The following NOD1 variants were observed in gnomAD, a reference collection of about 807,000 sequenced individuals.
The protein encoded by NOD1 is nucleotide-binding oligomerization domain-containing protein 1.
A neutral mutation model predicts 81.2 loss-of-function variants in NOD1; 70 were observed. That is an observed-to-expected ratio of 0.86 (90% CI 0.71 to 1.05). NOD1 has a LOEUF of 1.05. Ranked by LOEUF, NOD1 falls within the 50% of genes least tolerant of loss-of-function variation. NOD1 has a pLI of 0.00. For synonymous variants in NOD1, 508 were observed against 526.9 expected (o/e 0.96, Z 0.49); for missense variants, 1,233 against 1,228.0 (o/e 1.00, Z -0.06).
At chr7:30,433,273 C>A in intron 11 of NOD1, 94 bp from the exon 12 acceptor site, 1 of 919,586 alleles carries the variant, frequency 1.1e-6, no homozygotes, top group African/African-American at 1.7e-5. Flanking sequence ...CCAAGGCTCT[C>A]CAGCTATGCA....
intron 7 of NOD1, chr7:30,447,323 T>C (rs1785212250): frequency 4.1e-6 from 2 of 483,416 alleles, no homozygotes; most frequent in African/African-American, 2.0e-5. Flanking sequence ...GATAGTCCCC[T>C]TGCAGGGTGG....
At chr7:30,432,971 T>C (rs1784070854) in intron 12 of NOD1, 125 bp downstream of exon 12, 13 of 691,506 alleles carry the variant, frequency 1.9e-5, no homozygotes, top group Non-Finnish European at 2.2e-5. Context: ...TAGGTGGTGA[T>C]GGTTGCACTA....
chr7:30,425,460 A>C lies in NOD1; in HGVS notation c.*178T>G, dbSNP rs1164770209. 3.2e-6 allele frequency: 2 copies of C among 620,504 alleles called. No homozygotes were observed. The highest frequency in any genetic ancestry group is 3.7e-5 in the African/African-American group (2 of 54,072). 38.4% of individuals were successfully genotyped at this position (620,504 alleles called of 1,614,324 possible). A position where few individuals can be genotyped will look rare whatever the true frequency, so the allele number is the denominator to read the frequency against. On this transcript the variant is annotated 3_prime_UTR_variant, in exon 14 of 14. Coordinates refer to ENST00000222823, the MANE Select transcript of NOD1 (RefSeq NM_006092.4). Reference sequence around the variant, plus strand: ...TTCTGCAGAATTGTAGCGGGTACTTAGGGAGTTTGCCGACCAGACCTTCTG... The same window carrying C: ...TTCTGCAGAATTGTAGCGGGTACTTCGGGAGTTTGCCGACCAGACCTTCTG...
At chr7:30,445,278 TAA>T (rs55875433) in intron 9 of NOD1, among the ~76,000 whole-genome samples, 2,287 of 69,178 alleles carry the variant, frequency 0.033, 62 homozygotes, top group African/African-American at 0.15. Context: ...AAAAAGAATC[TAA>T]AAAAAAAAAA....
At chr7:30,445,278 TAAAAA>T (rs55875433) in intron 9 of NOD1, among the ~76,000 whole-genome samples, 7 of 69,180 alleles carry the variant, frequency 1.0e-4, no homozygotes, top group African/African-American at 4.2e-4. Context: ...AAAAAGAATC[TAAAAA>T]AAAAAAAAAA....
At chr7:30,472,710 G>A (rs1301817893) in intron 1 of NOD1, among the ~76,000 whole-genome samples, 1 of 152,228 alleles carries the variant, frequency 6.6e-6, no homozygotes, top group East Asian at 1.9e-4. Context: ...AGAGACATGA[G>A]AAACCTCTTT....
intron 8 of NOD1, chr7:30,446,562 T>A: frequency 2.5e-6 from 1 of 405,568 alleles, no homozygotes; most frequent in Non-Finnish European, 4.5e-6. Flanking sequence ...GGTCAAGGTA[T>A]GTGGCCACTG....
chr7:30,431,305 G>C (rs1004433191), intron 12 of NOD1, among the ~76,000 whole-genome samples: 2 of 152,216 alleles, frequency 1.3e-5, no homozygotes, highest in Non-Finnish European at 2.9e-5. Flanking sequence ...AAATTGACAA[G>C]GTGAGTCTGA....
At chr7:30,472,115 T>C (rs1309110998) in intron 1 of NOD1, among the ~76,000 whole-genome samples, 1 of 152,248 alleles carries the variant, frequency 6.6e-6, no homozygotes. Flanking sequence ...CTTTTTCTTG[T>C]ATATTATGAA....
At chr7:30,471,582 A>G (rs568007728) in intron 1 of NOD1, among the ~76,000 whole-genome samples, 1 of 152,370 alleles carries the variant, frequency 6.6e-6, no homozygotes, top group South Asian at 2.1e-4. Flanking sequence ...TGATGAATTC[A>G]GATTTTCAAA....
chr7:30,466,165 C>T (rs1218632095), intron 1 of NOD1, among the ~76,000 whole-genome samples: 1 of 152,226 alleles, frequency 6.6e-6, no homozygotes, highest in Non-Finnish European at 1.5e-5. Context: ...TTTCCCACCC[C>T]TTCCTTGAAA....
In NOD1 at chr7:30,452,963, C is replaced by G; in HGVS notation, c.454G>C (p.Glu152Gln). 2.5e-6 allele frequency: 4 copies of G among 1,613,776 alleles called. No homozygotes were observed. Among genetic ancestry groups the G allele is most frequent in the Non-Finnish European group, 3.4e-6 (4 of 1,179,912 alleles). ...ATGTAGATCTCCTCCAGCAGCAGCTCCTCCTTCTGGGCATAGCACAGCACG... is the reference window on the plus strand; with the variant it reads ...ATGTAGATCTCCTCCAGCAGCAGCTGCTCCTTCTGGGCATAGCACAGCACG... Reference protein sequence around the residue: ...KFVLCYAQKEELLLEEIYMDT... With the variant: ...KFVLCYAQKEQLLLEEIYMDT... The change falls in exon 6 of 14, where the codon GAG (glutamate) becomes CAG (glutamine). Residue 152 changes from glutamate to glutamine, a missense_variant. Physicochemically the swap from Glu to Gln is conservative, Grantham distance 29. Transcript: ENST00000222823.
chr7:30,436,049 C>T lies in NOD1; in HGVS notation c.2570G>A (p.Gly857Glu). The T allele has an allele frequency of 6.2e-7, 1 of 1,614,214 alleles. No homozygotes were observed. The highest frequency in any genetic ancestry group is 8.5e-7 in the Non-Finnish European group (1 of 1,180,004). Residue 857 changes from glycine (G) to glutamate (E), a missense_variant, in exon 11 of 14, where the codon GGA becomes GAA. Gly to Glu is a moderately conservative substitution (Grantham distance 98, BLOSUM62 -2). Coordinates refer to ENST00000222823, the MANE Select transcript of NOD1 (RefSeq NM_006092.4). ...LASNGISTEG[G>E]KSLARALQQN... ...CTGCAGGGCCCTCGCAAGGCTCTTTCCTCCTTCTGTGGAGATGCCGTTGGA... is the reference window on the plus strand; with the variant it reads ...CTGCAGGGCCCTCGCAAGGCTCTTTTCTCCTTCTGTGGAGATGCCGTTGGA...
At chr7:30,433,238 G>C in intron 11 of NOD1, 59 bp from the exon 12 acceptor site, 1 of 1,347,444 alleles carries the variant, frequency 7.4e-7, no homozygotes, top group Non-Finnish European at 1.1e-6. Context: ...CATTGTTTTA[G>C]AGTTCACAGG....
intron 9 of NOD1, 30 bp from the exon 10 acceptor site, chr7:30,437,686 A>AG: frequency 3.4e-6 from 5 of 1,462,088 alleles, no homozygotes; most frequent in Middle Eastern, 1.7e-4. Context: ...AGTGAATGTT[A>AG]GCTCCCCAAG....
chr7:30,452,796 G>A lies in NOD1; in HGVS notation c.621C>T (p.Gly207=). The part of the protein sequence containing the change: ...TIFILGDAGV[G]KSMLLQRLQS... ...GCAGCCGCTGTAGCAGCATGGACTTGCCCACCCCAGCATCACCCAGGATGA... is the reference window on the plus strand; with the variant it reads ...GCAGCCGCTGTAGCAGCATGGACTTACCCACCCCAGCATCACCCAGGATGA... Residue 207 remains glycine (G), a synonymous_variant, in exon 6 of 14, where the codon GGC becomes GGT. Transcript: ENST00000222823. 6.2e-7 allele frequency: 1 copy of A among 1,614,132 alleles called. No individual in the cohort carries two copies. The highest frequency in any genetic ancestry group is 8.5e-7 in the Non-Finnish European group (1 of 1,180,036).
chr7:30,451,479 C>G lies in NOD1; in HGVS notation c.1938G>C (p.Val646=). ...TCCAGATGAACGTGGGCATGGCCTG[C>G]ACCTGGTTGAAGCTTTCGACCTGAA... ...PRVQVESFNQ[V]QAMPTFIWML... The change falls in exon 6 of 14, where the codon GTG becomes GTC. Residue 646 remains valine, a synonymous_variant. Coordinates refer to ENST00000222823, the MANE Select transcript of NOD1 (RefSeq NM_006092.4). The surrounding 1 kb of genome is among the most constrained non-coding windows in gnomAD (Gnocchi z 4.2). 6.2e-7 allele frequency: 1 copy of G among 1,613,236 alleles called. No individual in the cohort carries two copies. Among genetic ancestry groups the G allele is most frequent in the Non-Finnish European group, 8.5e-7 (1 of 1,179,978 alleles).
At chr7:30,464,261 T>C (rs1336098922) in intron 1 of NOD1, among the ~76,000 whole-genome samples, 1 of 152,216 alleles carries the variant, frequency 6.6e-6, no homozygotes, top group Non-Finnish European at 1.5e-5. Flanking sequence ...CCTGGACACC[T>C]TGCCCAGCAG....
intron 1 of NOD1, among the ~76,000 whole-genome samples, chr7:30,470,523 C>T (rs958213174): frequency 1.3e-5 from 2 of 152,242 alleles, no homozygotes; most frequent in East Asian, 1.9e-4. Flanking sequence ...TTCACAGGCT[C>T]ACTTAGGGAA....
Sources: allele counts gnomAD v4.1 joint callset (sites outside exome capture counted in the v4.1 genomes callset), GRCh38; gene constraint gnomAD v4.1.1; non-coding constraint Gnocchi (gnomAD v3.1); transcripts MANE v1.5; gene names NCBI Gene and HGNC (gene_info 2026-07-23, HGNC 2026-07-21).